The following GRM2 variants were observed in gnomAD, a reference collection of about 807,000 sequenced individuals.
The protein encoded by GRM2 is metabotropic glutamate receptor 2.
A neutral mutation model predicts 60.4 loss-of-function variants in GRM2; 35 were observed. That is an observed-to-expected ratio of 0.58 (90% CI 0.44 to 0.77). GRM2 has a LOEUF of 0.77. Among genes scored for constraint, GRM2 ranks in the 30% least tolerant of loss-of-function variants. The pLI is 0.00. For synonymous variants in GRM2, 437 were observed against 484.1 expected (o/e 0.90, Z 1.28); for missense variants, 925 against 1,199.5 (o/e 0.77, Z 3.38).
In GRM2 at chr3:51,712,945, A is replaced by T. The variant is rs774486355; in HGVS notation, c.923A>T (p.Glu308Val). Residue 308 changes from glutamate to valine, a missense_variant, in exon 3 of 6, where the codon GAG becomes GTG. Transcript: ENST00000395052. This position sits in a 1 kb window ranked among gnomAD's most constrained non-coding sequence, Gnocchi z 5.3. ...GALESVVAGS[E>V]GAAEGAITIE... ...CTGGAGAGTGTGGTGGCAGGCAGTG[A>T]GGGGGCTGCTGAGGGTGCTATCACC... 4 of 1,612,868 alleles carry T rather than the reference A, an allele frequency of 2.5e-6. No individual in the cohort carries two copies. In the African/African-American group the frequency reaches 5.3e-5, roughly 22 times the overall value.
intron 2 of GRM2, 56 bp downstream of exon 2, chr3:51,709,489 A>C: frequency 7.9e-7 from 1 of 1,272,450 alleles, no homozygotes; most frequent in Non-Finnish European, 1.1e-6. Flanking sequence ...GTGGTGACCC[A>C]GAATTCCTGC....
In GRM2 at chr3:51,712,013, G is replaced by T. The variant is rs978645724; in HGVS notation, c.451-460G>T. Among the ~76,000 whole-genome samples the T allele has an allele frequency of 6.6e-6, 1 of 152,180 alleles. No individual in the cohort carries two copies. The highest frequency in any genetic ancestry group is 1.5e-5 in the Non-Finnish European group (1 of 68,034). ...CCTGGGATCTGTGTCTTTCTTCCTAGGGGAAACTTTTCCTTCTTTCTGTAT... is the reference window on the plus strand; with the variant it reads ...CCTGGGATCTGTGTCTTTCTTCCTATGGGAAACTTTTCCTTCTTTCTGTAT... On this transcript the variant is annotated intron_variant, in intron 2 of 5. Coordinates refer to ENST00000395052, the MANE Select transcript of GRM2 (RefSeq NM_000839.5). The surrounding 1 kb of genome is among the most constrained non-coding windows in gnomAD (Gnocchi z 5.3).
In GRM2 at chr3:51,713,023, T is replaced by C; in HGVS notation, c.1001T>C (p.Leu334Pro). The stretch of plus-strand genomic sequence containing the variant: ...GACTTTGCCTCCTACTTCCAGAGCC[T>C]GGACCCTTGGAACAACAGCCGGAAC... ...ISDFASYFQS[L>P]DPWNNSRNPW... Residue 334 changes from leucine to proline, a missense_variant, in exon 3 of 6, where the codon CTG (leucine) becomes CCG (proline). Leu to Pro is a moderately conservative substitution (Grantham distance 98). Coordinates refer to ENST00000395052, the MANE Select transcript of GRM2 (RefSeq NM_000839.5). This position sits in a 1 kb window ranked among gnomAD's most constrained non-coding sequence, Gnocchi z 4.8. 1 of 1,613,350 alleles carries C rather than the reference T, an allele frequency of 6.2e-7. No individual in the cohort carries two copies. Among genetic ancestry groups the C allele is most frequent in the Non-Finnish European group, 8.5e-7 (1 of 1,180,028 alleles).
At position 51,717,225 on chromosome 3, in the gene GRM2, C is replaced by T. The variant is rs1442020164; in HGVS notation, c.2365-412C>T. Among the ~76,000 whole-genome samples, 1 of 152,030 alleles carries T rather than the reference C, an allele frequency of 6.6e-6. No individual in the cohort carries two copies. Among genetic ancestry groups the T allele is most frequent in the African/African-American group, 2.4e-5 (1 of 41,372 alleles). On this transcript the variant is annotated intron_variant, in intron 4 of 5. Transcript: ENST00000395052. This position sits in a 1 kb window ranked among gnomAD's most constrained non-coding sequence, Gnocchi z 6.0. Reference sequence around the variant, plus strand: ...CGCTGGCACACACACATATATCTTCCTGACAAATGAATCCATACCCATGCA... The same window carrying T: ...CGCTGGCACACACACATATATCTTCTTGACAAATGAATCCATACCCATGCA...
chr3:51,708,089 C>T (rs1298136805), intron 1 of GRM2: 1 of 151,854 alleles, frequency 6.6e-6, no homozygotes, highest in Admixed American at 6.6e-5. Context: ...TAGAGAGTCC[C>T]GCACTCTCAC....
Position 51,713,976 on chromosome 3 carries a change from T to G in GRM2, c.1288+666T>G. The G allele has an allele frequency of 2.2e-6, 1 of 454,728 alleles. No individual in the cohort carries two copies. Among genetic ancestry groups the G allele is most frequent in the Non-Finnish European group, 4.4e-6 (1 of 226,118 alleles). The allele number at this position is 454,728 out of a possible 1,614,324, so 28.2% of individuals were successfully genotyped here. On this transcript the variant is annotated intron_variant, in intron 3 of 5. Coordinates refer to ENST00000395052, the MANE Select transcript of GRM2 (RefSeq NM_000839.5). This position sits in a 1 kb window ranked among gnomAD's most constrained non-coding sequence, Gnocchi z 4.8. ...TTTTCCACTCAAGGTGACCTGAAAG[T>G]CTCCTGAAATCAAAAGTTATTTTAA...
At position 51,709,270 on chromosome 3, in the gene GRM2, C is replaced by T; in HGVS notation, c.287C>T (p.Thr96Ile). 6.2e-7 allele frequency: 1 copy of T among 1,604,474 alleles called. No homozygotes were observed. ...ATCCTCGACAGTTGCTCCAAGGACA[C>T]ACATGCGCTGGAGCAGGCACTGGAC... Reference protein sequence around the residue: ...AHILDSCSKDTHALEQALDFV... With the variant: ...AHILDSCSKDIHALEQALDFV... The change falls in exon 2 of 6, where the codon ACA becomes ATA. Residue 96 changes from threonine (T) to isoleucine (I), a missense_variant. Transcript: ENST00000395052.
In GRM2 at chr3:51,712,902, A is replaced by G. The variant is rs780875749; in HGVS notation, c.880A>G (p.Ser294Gly). The change falls in exon 3 of 6, where the codon AGT becomes GGT. Residue 294 changes from serine (S) to glycine (G), a missense_variant. Coordinates refer to ENST00000395052, the MANE Select transcript of GRM2 (RefSeq NM_000839.5). This position sits in a 1 kb window ranked among gnomAD's most constrained non-coding sequence, Gnocchi z 5.3. Reference protein sequence around the residue: ...RLNASFTWVASDGWGALESVV... With the variant: ...RLNASFTWVAGDGWGALESVV... The stretch of plus-strand genomic sequence containing the variant: ...CAATGCCAGCTTCACCTGGGTGGCC[A>G]GTGATGGTTGGGGGGCCCTGGAGAG... The G allele has an allele frequency of 1.2e-6, 2 of 1,612,990 alleles. No homozygotes were observed. Among genetic ancestry groups the G allele is most frequent in the Non-Finnish European group, 1.7e-6 (2 of 1,180,012 alleles).
intron 2 of GRM2, chr3:51,711,666 G>GC (rs1473208354): frequency 6.6e-6 from 1 of 152,332 alleles, no homozygotes; most frequent in Non-Finnish European, 1.5e-5. Flanking sequence ...GCCTTGTAGG[G>GC]CAGGAATGTG....
At position 51,716,475 on chromosome 3, in the gene GRM2, G is replaced by A. The variant is rs551779641; in HGVS notation, c.2364+338G>A. Among the ~76,000 whole-genome samples, 21 of 152,322 alleles carry A rather than the reference G, an allele frequency of 1.4e-4. No individual in the cohort carries two copies. Among genetic ancestry groups the A allele is most frequent in the African/African-American group, 4.8e-4 (20 of 41,564 alleles). On this transcript the variant is annotated intron_variant, in intron 4 of 5. Transcript: ENST00000395052. The surrounding 1 kb of genome is among the most constrained non-coding windows in gnomAD (Gnocchi z 4.0). ...TCATCTGCAGAAGGGGTTGAGAGAT[G>A]AAGCCAGGGAAGGCAGGAAAGATGA...
Position 51,709,786 on chromosome 3 carries a change from C to CCACA in GRM2, c.450+359_450+362dup, listed in dbSNP as rs146641469. On this transcript the variant is annotated intron_variant, in intron 2 of 5. Coordinates refer to ENST00000395052, the MANE Select transcript of GRM2 (RefSeq NM_000839.5). The stretch of plus-strand genomic sequence containing the variant: ...ACCCACACACACGCACCCCACACAC[C>CCACA]CACACACACCCCACACCCACCCCCA... 3.0e-3 allele frequency among the ~76,000 whole-genome samples: 383 copies of CCACA among 126,816 alleles called. 17 individuals are homozygous for CCACA. The highest frequency in any genetic ancestry group is 0.013 in the African/African-American group (347 of 27,728). The allele number at this position is 126,816 out of a possible 152,430, so 83.2% of individuals were successfully genotyped here. A position where few individuals can be genotyped will look rare whatever the true frequency, so the allele number is the denominator to read the frequency against.
Position 51,717,747 on chromosome 3 carries a change from G to A in GRM2, c.2475G>A (p.Val825=), listed in dbSNP as rs1703954966. ...TCCTCTTCCAGCCGCAGAAGAACGTGGTTAGCCACCGGGCACCCACCAGCC... is the reference window on the plus strand; with the variant it reads ...TCCTCTTCCAGCCGCAGAAGAACGTAGTTAGCCACCGGGCACCCACCAGCC... ...HIILFQPQKN[V]VSHRAPTSRF... Residue 825 remains valine, a synonymous_variant, in exon 5 of 6, where the codon GTG becomes GTA. Transcript: ENST00000395052. This position sits in a 1 kb window ranked among gnomAD's most constrained non-coding sequence, Gnocchi z 6.0. 6.2e-7 allele frequency: 1 copy of A among 1,614,126 alleles called. No homozygotes were observed. Among genetic ancestry groups the A allele is most frequent in the Non-Finnish European group, 8.5e-7 (1 of 1,180,022 alleles).
At chr3:51,709,761 A>C in intron 2 of GRM2, among the ~76,000 whole-genome samples, 1 of 566 alleles carries the variant, frequency 1.8e-3, no homozygotes, top group Admixed American at 0.017. Context: ...CACCCAACAC[A>C]CCCACACACA....
intron 3 of GRM2, 100 bp from the exon 4 acceptor site, chr3:51,714,962 C>A: frequency 1.5e-6 from 1 of 688,972 alleles, no homozygotes; most frequent in East Asian, 2.7e-5. Context: ...TAATGGTGGT[C>A]TTAGCTCTGG....
chr3:51,713,460 A>G lies in GRM2; in HGVS notation c.1288+150A>G. The stretch of plus-strand genomic sequence containing the variant: ...GCGTCAGAGCAAGGGCAAGGATGCT[A>G]GGCAGAGAGGACTCCAACTGAAGCT... On this transcript the variant is annotated intron_variant, in intron 3 of 5. Transcript: ENST00000395052. This position sits in a 1 kb window ranked among gnomAD's most constrained non-coding sequence, Gnocchi z 4.8. 1 of 621,888 alleles carries G rather than the reference A, an allele frequency of 1.6e-6. No homozygotes were observed. Among genetic ancestry groups the G allele is most frequent in the Non-Finnish European group, 2.8e-6 (1 of 354,484 alleles). 38.5% of individuals were successfully genotyped at this position (621,888 alleles called of 1,614,324 possible).
rs555226448 is a variant in GRM2 at position 51,711,425 on chromosome 3, C to T, written c.451-1048C>T. On this transcript the variant is annotated intron_variant, in intron 2 of 5. Transcript: ENST00000395052. ...GCATTTATCTCCAGAAGTCCAGTTACCTCCTTGCCATCCCAAGCTGCCTGC... is the reference window on the plus strand; with the variant it reads ...GCATTTATCTCCAGAAGTCCAGTTATCTCCTTGCCATCCCAAGCTGCCTGC... 7 of 153,046 alleles carry T rather than the reference C, an allele frequency of 4.6e-5. No homozygotes were observed. In the South Asian group the frequency reaches 1.2e-3, roughly 27 times the overall value. 9.5% of individuals were successfully genotyped at this position (153,046 alleles called of 1,614,324 possible). A position where few individuals can be genotyped will look rare whatever the true frequency, so the allele number is the denominator to read the frequency against.
chr3:51,715,808 C>T lies in GRM2; in HGVS notation c.2035C>T (p.Gln679Ter), dbSNP rs1179847823. 1.9e-6 allele frequency: 3 copies of T among 1,613,554 alleles called. No homozygotes were observed. The highest frequency in any genetic ancestry group is 2.2e-5 in the East Asian group (1 of 44,896). ...QRPRFISPASQVAICLALISG... is the reference protein window; with the variant it reads ...QRPRFISPAS ...GCCACGCTTCATCAGTCCTGCCTCA[C>T]AGGTGGCCATCTGCCTGGCACTTAT... is the stretch of plus-strand genomic sequence containing the variant. The change falls in exon 4 of 6, where the codon CAG (glutamine) becomes TAG (stop). Residue 679 changes from glutamine to a stop codon, truncating the protein, a stop_gained. Transcript: ENST00000395052. LOFTEE classifies it high-confidence loss of function. This position sits in a 1 kb window ranked among gnomAD's most constrained non-coding sequence, Gnocchi z 9.0.
At chr3:51,708,643 C>A in intron 1 of GRM2, 1 of 228,970 alleles carries the variant, frequency 4.4e-6, no homozygotes, top group Non-Finnish European at 8.6e-6. Flanking sequence ...TATGGCCCAT[C>A]TCTCACCAAG....
At chr3:51,711,002 T>G (rs1160159867) in intron 2 of GRM2, among the ~76,000 whole-genome samples, 1 of 152,214 alleles carries the variant, frequency 6.6e-6, no homozygotes, top group African/African-American at 2.4e-5. Context: ...ATTGCCGAGA[T>G]GGAGAGGGCC....
Sources: allele counts gnomAD v4.1 joint callset (sites outside exome capture counted in the v4.1 genomes callset), GRCh38; gene constraint gnomAD v4.1.1; non-coding constraint Gnocchi (gnomAD v3.1); transcripts MANE v1.5; gene names NCBI Gene and HGNC (gene_info 2026-07-23, HGNC 2026-07-21).